The following GTF2B variants were observed in gnomAD, a reference collection of about 807,000 sequenced individuals.
The protein encoded by GTF2B is general transcription factor IIB, also known as transcription initiation factor IIB.
In GTF2B, 20 loss-of-function variants were observed where a neutral mutation model predicts 34.6. That is an observed-to-expected ratio of 0.58 (90% CI 0.41 to 0.84). The LOEUF (loss-of-function observed/expected upper bound fraction) is 0.84. Among genes scored for constraint, GTF2B ranks in the 40% least tolerant of loss-of-function variants. The pLI is 0.00. For missense variants in GTF2B, 237 were observed against 393.3 expected, an observed-to-expected ratio of 0.60 and a Z score of 3.36; for synonymous variants, 142 against 132.4, an observed-to-expected ratio of 1.07 and a Z score of -0.50.
intron 2 of GTF2B, among the ~76,000 whole-genome samples, chr1:88,872,319 G>C (rs1010347354): frequency 1.3e-5 from 2 of 151,698 alleles, no homozygotes; most frequent in Non-Finnish European, 2.9e-5. Flanking sequence ...TGGGCGTGGT[G>C]CTGCATGCCT....
At chr1:88,885,813 AT>A (rs1301504069) in intron 2 of GTF2B, among the ~76,000 whole-genome samples, 2 of 152,220 alleles carry the variant, frequency 1.3e-5, no homozygotes, top group Non-Finnish European at 2.9e-5. Context: ...GTCCTAAAAT[AT>A]TATTTTTGAT....
intron 2 of GTF2B, among the ~76,000 whole-genome samples, chr1:88,874,662 G>A (rs1480416828): frequency 6.6e-6 from 1 of 151,894 alleles, no homozygotes; most frequent in East Asian, 1.9e-4. Context: ...TTAAAAACAG[G>A]AACATGAAGA....
At chr1:88,885,813 ATTATTT>A (rs1447738793) in intron 2 of GTF2B, among the ~76,000 whole-genome samples, 1 of 152,220 alleles carries the variant, frequency 6.6e-6, no homozygotes, top group East Asian at 1.9e-4. Flanking sequence ...GTCCTAAAAT[ATTATTT>A]TTGATTTTTT....
chr1:88,860,830 G>A (rs1375736629), intron 3 of GTF2B, among the ~76,000 whole-genome samples: 1 of 152,086 alleles, frequency 6.6e-6, no homozygotes, highest in Non-Finnish European at 1.5e-5. Flanking sequence ...CCCAAAGAAA[G>A]TACTATGATT....
Position 88,853,061 on chromosome 1 carries a change from T to A in GTF2B, c.*152A>T. 7 of 716,456 alleles carry A rather than the reference T, an allele frequency of 9.8e-6. No homozygotes were observed. The highest frequency in any genetic ancestry group is 1.5e-5 in the Non-Finnish European group (6 of 398,570). The allele number at this position is 716,456 out of a possible 1,614,324, so 44.4% of individuals were successfully genotyped here. ...TCATTAAATATGTTTCACTAGTATA[T>A]ACATACAGAATGCCAAGCAATAGTA... On this transcript the variant is annotated 3_prime_UTR_variant, in exon 7 of 7. Transcript: ENST00000370500.
chr1:88,877,227 T>C (rs1282949081), intron 2 of GTF2B, among the ~76,000 whole-genome samples: 1 of 152,192 alleles, frequency 6.6e-6, no homozygotes, highest in Admixed American at 6.6e-5. Flanking sequence ...ATGAGTTTAG[T>C]AGAAGGGAGA....
chr1:88,854,088 G>C (rs928131758), intron 6 of GTF2B, among the ~76,000 whole-genome samples: 1 of 151,970 alleles, frequency 6.6e-6, no homozygotes, highest in African/African-American at 2.4e-5. Context: ...ATCTTTCTGA[G>C]GATCACAAAA....
In GTF2B at chr1:88,883,676, A is replaced by G. The variant is rs373887328; in HGVS notation, c.124+3585T>C. ...GACTCTGTCTCAAAAAAAAAGTCAC[A>G]GAACTGATATTGATAGTTACGTGCA... On this transcript the variant is annotated intron_variant, in intron 2 of 6. Coordinates refer to ENST00000370500, the MANE Select transcript of GTF2B (RefSeq NM_001514.6). Among the ~76,000 whole-genome samples the G allele has an allele frequency of 2.6e-5, 4 of 152,164 alleles. No individual in the cohort carries two copies. The East Asian group carries it at 7.7e-4, about 29-fold the overall frequency.
At chr1:88,871,191 T>G (rs766556610) in intron 2 of GTF2B, among the ~76,000 whole-genome samples, 3 of 152,154 alleles carry the variant, frequency 2.0e-5, no homozygotes, top group Non-Finnish European at 4.4e-5. Context: ...TGTGAGCCAC[T>G]GCACCCAGCC....
intron 6 of GTF2B, among the ~76,000 whole-genome samples, chr1:88,856,044 C>A (rs992120161): frequency 1.3e-5 from 2 of 151,902 alleles, no homozygotes; most frequent in African/African-American, 2.4e-5. Context: ...TGGAGGCAGG[C>A]GAATCACATG....
intron 1 of GTF2B, among the ~76,000 whole-genome samples, chr1:88,890,478 T>C (rs769634134): frequency 1.3e-5 from 2 of 152,214 alleles, no homozygotes; most frequent in Non-Finnish European, 2.9e-5. Flanking sequence ...CCACAGATGA[T>C]AGCAGGGTCA....
chr1:88,863,468 C>T (rs760068221), intron 3 of GTF2B, among the ~76,000 whole-genome samples: 12 of 152,066 alleles, frequency 7.9e-5, no homozygotes, highest in Non-Finnish European at 1.6e-4. Flanking sequence ...CTCAGCCTCG[C>T]GAGTAAGCTG....
rs138126683 is a variant in GTF2B, at chr1:88,859,141, C to A, written c.535+741G>T. Reference sequence around the variant, plus strand: ...TCGGCCTCCCAAAGTTCTGGGATTACAGGTGTGAGACACCATACCTGGCCT... The same window carrying A: ...TCGGCCTCCCAAAGTTCTGGGATTAAAGGTGTGAGACACCATACCTGGCCT... On this transcript the variant is annotated intron_variant, in intron 5 of 6. Coordinates refer to ENST00000370500, the MANE Select transcript of GTF2B (RefSeq NM_001514.6). Among the ~76,000 whole-genome samples, 1,090 of 152,264 alleles carry A rather than the reference C, an allele frequency of 7.2e-3. 10 individuals carry two copies. The highest frequency in any genetic ancestry group is 0.025 in the African/African-American group (1,039 of 41,550).
At chr1:88,873,224 G>A (rs752420354) in intron 2 of GTF2B, among the ~76,000 whole-genome samples, 60 of 127,724 alleles carry the variant, frequency 4.7e-4, no homozygotes, top group Non-Finnish European at 6.1e-4. Context: ...GAGTCTCGCT[G>A]TGTCGCCCAG....
chr1:88,890,033 T>C (rs1372909988), intron 1 of GTF2B, among the ~76,000 whole-genome samples: 1 of 151,392 alleles, frequency 6.6e-6, no homozygotes, highest in Non-Finnish European at 1.5e-5. Context: ...TTCCATAAAA[T>C]AAAAAATACT....
chr1:88,857,788 T>C (rs534520914), intron 5 of GTF2B, among the ~76,000 whole-genome samples: 49 of 146,788 alleles, frequency 3.3e-4, no homozygotes, highest in African/African-American at 1.2e-3. Context: ...CTCAAGTGAT[T>C]CTCCTGCCTC....
At chr1:88,885,853 C>A (rs1173851053) in intron 2 of GTF2B, among the ~76,000 whole-genome samples, 1 of 151,914 alleles carries the variant, frequency 6.6e-6, no homozygotes, top group African/African-American at 2.4e-5. Flanking sequence ...AATGTAAAAG[C>A]CAGAATTAAC....
At chr1:88,882,363 A>C (rs1673971545) in intron 2 of GTF2B, among the ~76,000 whole-genome samples, 2 of 151,344 alleles carry the variant, frequency 1.3e-5, no homozygotes, top group Admixed American at 1.3e-4. Context: ...GAGAGCTAAG[A>C]AGCTGAAATT....
chr1:88,881,615 C>T (rs1270285186), intron 2 of GTF2B, among the ~76,000 whole-genome samples: 1 of 152,088 alleles, frequency 6.6e-6, no homozygotes, highest in Non-Finnish European at 1.5e-5. Flanking sequence ...TCTTCGCTTA[C>T]AAGATATATT....
Sources: gnomAD v4.1 joint callset for allele counts (sites outside exome capture counted in the v4.1 genomes callset) on GRCh38, gnomAD v4.1.1 for gene constraint, MANE v1.5 for transcripts, NCBI Gene and HGNC (gene_info 2026-07-23, HGNC 2026-07-21) for gene names.